The following CHL1 variants were observed in gnomAD, a reference collection of about 807,000 sequenced individuals.
CHL1 encodes neural cell adhesion molecule L1-like protein.
Under a neutral mutation model 141.9 loss-of-function variants are expected in CHL1, and 96 were observed. The observed-to-expected ratio is 0.68, with a 90% CI of 0.57 to 0.80. The LOEUF is 0.80. Among genes scored for constraint, CHL1 ranks in the 30% least tolerant of loss-of-function variants. The pLI is 0.00. For synonymous variants in CHL1, 613 were observed against 502.2 expected (o/e 1.22, Z -2.95); for missense variants, 1,820 against 1,457.2 (o/e 1.25, Z -4.05).
intron 1 of CHL1, among the ~76,000 whole-genome samples, chr3:241,585 T>C (rs78174578): frequency 5.3e-4 from 79 of 148,890 alleles, no homozygotes; most frequent in African/African-American, 1.9e-3. Context: ...TTCTCTCTGG[T>C]TTTTTTTTTT....
chr3:248,980 G>A (rs1209539409), intron 2 of CHL1, among the ~76,000 whole-genome samples: 1 of 152,172 alleles, frequency 6.6e-6, no homozygotes, highest in African/African-American at 2.4e-5. Context: ...TCCAATGAAA[G>A]GAGAAAATTG....
Position 349,710 on chromosome 3 carries a change from A to C in CHL1, c.1033+167A>C, listed in dbSNP as rs80310936. On this transcript the variant is annotated intron_variant, in intron 10 of 27. Coordinates refer to ENST00000256509, the MANE Select transcript of CHL1 (RefSeq NM_006614.4). ...TACACTTCAACTAAGCAGGTTTGTC[A>C]TTTACGCCCCAAAATGACATAGAAG... Among the ~76,000 whole-genome samples, 34 of 152,336 alleles carry C rather than the reference A, an allele frequency of 2.2e-4. 3 individuals carry two copies. The East Asian group carries it at 6.5e-3, about 29-fold the overall frequency.
In CHL1 at chr3:274,807, A is replaced by G. The variant is rs1426163436; in HGVS notation, c.-95+30115A>G. On this transcript the variant is annotated intron_variant, in intron 2 of 27. Coordinates refer to ENST00000256509, the MANE Select transcript of CHL1 (RefSeq NM_006614.4). The stretch of plus-strand genomic sequence containing the variant: ...AATTTTCTCTGTTTCTTTTATCTGT[A>G]TAATGACTTACCCAATTCCTAGTGT... Among the ~76,000 whole-genome samples the G allele has an allele frequency of 3.9e-5, 6 of 152,334 alleles. No individual in the cohort carries two copies. The South Asian group carries it at 8.3e-4, about 21-fold the overall frequency.
intron 1 of CHL1, among the ~76,000 whole-genome samples, chr3:241,669 C>A (rs1226284829): frequency 1.3e-5 from 2 of 151,468 alleles, no homozygotes; most frequent in Non-Finnish European, 2.9e-5. Context: ...TTCAGTCATA[C>A]TTTTTAAATC....
intron 2 of CHL1, among the ~76,000 whole-genome samples, chr3:283,414 A>C: frequency 6.6e-6 from 1 of 152,166 alleles, no homozygotes; most frequent in East Asian, 1.9e-4. Flanking sequence ...CCTTTGTAGA[A>C]TGTTGTGACT....
intron 2 of CHL1, among the ~76,000 whole-genome samples, chr3:284,545 T>C (rs1696958391): frequency 6.6e-6 from 1 of 152,192 alleles, no homozygotes; most frequent in African/African-American, 2.4e-5. Context: ...TTTATGACAA[T>C]GCCGTGAAAA....
At position 407,187 on chromosome 3, in the gene CHL1, C is replaced by T. The variant is rs1055450667; in HGVS notation, c.*1476C>T. 6.6e-6 allele frequency: 1 copy of T among 152,076 alleles called. No homozygotes were observed. The highest frequency in any genetic ancestry group is 6.6e-5 in the Admixed American group (1 of 15,236). The allele number at this position is 152,076 out of a possible 1,614,324, so 9.4% of individuals were successfully genotyped here. On this transcript the variant is annotated 3_prime_UTR_variant, in exon 28 of 28. Transcript: ENST00000256509. The stretch of plus-strand genomic sequence containing the variant: ...TGGAAAGATTTTTTTAACCTTACCA[C>T]GAAATACTTAACTACTGTTTAAGTG...
intron 23 of CHL1, among the ~76,000 whole-genome samples, chr3:392,507 C>T (rs1009981593): frequency 2.6e-5 from 4 of 152,196 alleles, no homozygotes; most frequent in Admixed American, 2.0e-4. Flanking sequence ...TTAATAGCAG[C>T]GCGTTCCCTC....
intron 2 of CHL1, among the ~76,000 whole-genome samples, chr3:306,777 T>C (rs1349354314): frequency 1.3e-5 from 2 of 152,190 alleles, no homozygotes; most frequent in Non-Finnish European, 1.5e-5. Context: ...CCATGAACTA[T>C]TTATCTTAAT....
intron 16 of CHL1, among the ~76,000 whole-genome samples, chr3:378,479 C>T (rs562692161): frequency 6.6e-6 from 1 of 152,258 alleles, no homozygotes; most frequent in African/African-American, 2.4e-5. Context: ...ACAGTGTGCA[C>T]ACTTCACTAG....
intron 1 of CHL1, among the ~76,000 whole-genome samples, chr3:214,632 A>T (rs1255430286): frequency 6.6e-6 from 1 of 152,194 alleles, no homozygotes; most frequent in East Asian, 1.9e-4. Context: ...AGATATAGAC[A>T]TGAATACCCT....
intron 2 of CHL1, among the ~76,000 whole-genome samples, chr3:269,389 T>A (rs1248903995): frequency 1.3e-5 from 2 of 152,154 alleles, no homozygotes; most frequent in African/African-American, 4.8e-5. Context: ...AACTTCCGAA[T>A]CTGTTTCTGT....
intron 16 of CHL1, among the ~76,000 whole-genome samples, chr3:381,202 G>C (rs1706993694): frequency 6.6e-6 from 1 of 152,134 alleles, no homozygotes; most frequent in South Asian, 2.1e-4. Flanking sequence ...GAGGTAATAT[G>C]GTCCATTGGG....
intron 2 of CHL1, among the ~76,000 whole-genome samples, chr3:295,585 A>G: frequency 6.6e-6 from 1 of 152,282 alleles, no homozygotes; most frequent in East Asian, 1.9e-4. Flanking sequence ...GTTCTTAGTC[A>G]TCCATCTCTG....
At chr3:252,021 A>T (rs1574861785) in intron 2 of CHL1, among the ~76,000 whole-genome samples, 1 of 152,084 alleles carries the variant, frequency 6.6e-6, no homozygotes, top group Non-Finnish European at 1.5e-5. Flanking sequence ...ATGATAATAA[A>T]CCAACCATAA....
chr3:378,031 T>C, intron 16 of CHL1, 89 bp downstream of exon 16: 2 of 1,197,374 alleles, frequency 1.7e-6, no homozygotes, highest in Non-Finnish European at 2.3e-6. Context: ...AATGATTCTT[T>C]GAGCCCCTGC....
intron 2 of CHL1, among the ~76,000 whole-genome samples, chr3:306,088 C>G (rs1390582724): frequency 1.3e-5 from 2 of 152,058 alleles, no homozygotes; most frequent in Non-Finnish European, 2.9e-5. Context: ...GTTCTTATTT[C>G]TTATTCATGG....
chr3:268,299 T>G lies in CHL1; in HGVS notation c.-95+23607T>G, dbSNP rs529442756. Among the ~76,000 whole-genome samples the G allele has an allele frequency of 2.3e-4, 35 of 152,204 alleles. 1 individual carries two copies. Among genetic ancestry groups the G allele is most frequent in the South Asian group, 1.2e-3 (6 of 4,818 alleles). On this transcript the variant is annotated intron_variant, in intron 2 of 27. Coordinates refer to ENST00000256509, the MANE Select transcript of CHL1 (RefSeq NM_006614.4). The stretch of plus-strand genomic sequence containing the variant: ...CTATAATCCCAGCACTTTGGGAGGC[T>G]GAGATGGGCAGATTATTTGAGGTCA...
intron 1 of CHL1, among the ~76,000 whole-genome samples, chr3:218,117 A>G (rs1369545844): frequency 6.6e-6 from 1 of 152,190 alleles, no homozygotes; most frequent in Non-Finnish European, 1.5e-5. Context: ...GTGAGATGAC[A>G]AGGTTTACGA....
Sources: gnomAD v4.1 joint callset for allele counts (sites outside exome capture counted in the v4.1 genomes callset) on GRCh38, gnomAD v4.1.1 for gene constraint, MANE v1.5 for transcripts, NCBI Gene and HGNC (gene_info 2026-07-23, HGNC 2026-07-21) for gene names.